PARP11: variants seen among roughly 807,000 people sequenced by gnomAD.
PARP11 encodes poly(ADP-ribose) polymerase family member 11.
In PARP11, 31 loss-of-function variants were observed where a neutral mutation model predicts 42.9. The ratio of observed to expected loss-of-function variants is 0.72; its 90% CI spans 0.54 to 0.98. The LOEUF (loss-of-function observed/expected upper bound fraction) is 0.98. PARP11 is among the 50% of genes least tolerant of loss of function. The probability of loss-of-function intolerance (pLI) is 0.00; values close to 1 mark genes in which losing one functional copy is unlikely to be tolerated. For synonymous variants in PARP11, 137 were observed against 127.3 expected, an observed-to-expected ratio of 1.08 and a Z score of -0.51; for missense variants, 365 against 413.1, an observed-to-expected ratio of 0.88 and a Z score of 1.01.
Position 3,821,754 on chromosome 12 carries a change from A to C in PARP11, c.548+119T>G, listed in dbSNP as rs138730941. ...TGAAGAGCCTTGAGACCAGGTCAAA[A>C]TACGGCAAGAGAAAAACAGCATGTC... is the stretch of plus-strand genomic sequence containing the variant. On this transcript the variant is annotated intron_variant, in intron 6 of 7. Coordinates refer to ENST00000228820, the MANE Select transcript of PARP11 (RefSeq NM_020367.6). 3.9e-3 allele frequency: 4,245 copies of C among 1,091,978 alleles called. 13 individuals are homozygous for C. The highest frequency in any genetic ancestry group is 5.2e-3 in the Non-Finnish European group (3,948 of 755,058). The allele number at this position is 1,091,978 out of a possible 1,614,324, so 67.6% of individuals were successfully genotyped here.
intron 1 of PARP11, among the ~76,000 whole-genome samples, chr12:3,846,947 C>T (rs980481538): frequency 6.6e-6 from 1 of 151,572 alleles, no homozygotes; most frequent in African/African-American, 2.4e-5. Flanking sequence ...TAGCTGGGCA[C>T]GTGCCTGTGG....
chr12:3,849,935 A>C (rs1401272147), intron 1 of PARP11, among the ~76,000 whole-genome samples: 2 of 152,174 alleles, frequency 1.3e-5, no homozygotes, highest in Non-Finnish European at 2.9e-5. Flanking sequence ...TGTCCTGAAA[A>C]TATGTATATC....
At position 3,840,710 on chromosome 12, in the gene PARP11, C is replaced by T. The variant is rs1246244937; in HGVS notation, c.19-10692G>A. On this transcript the variant is annotated intron_variant, in intron 1 of 7. Transcript: ENST00000228820. This position sits in a 1 kb window ranked among gnomAD's most constrained non-coding sequence, Gnocchi z 4.4. The stretch of plus-strand genomic sequence containing the variant: ...CAGGCGGAGAATGGATACAGAAGAA[C>T]GAAAAGACAAAGACTCTATTCATGG... 1.7e-5 allele frequency: 22 copies of T among 1,276,692 alleles called. No homozygotes were observed. The highest frequency in any genetic ancestry group is 2.4e-5 in the Non-Finnish European group (21 of 872,102). 79.1% of individuals were successfully genotyped at this position (1,276,692 alleles called of 1,614,324 possible).
At chr12:3,846,749 T>G in intron 1 of PARP11, among the ~76,000 whole-genome samples, 1 of 126,594 alleles carries the variant, frequency 7.9e-6, no homozygotes. Flanking sequence ...AGAGCGAGAC[T>G]CCGTCTTAAA....
In PARP11 at chr12:3,810,686, A is replaced by AAG. The variant is rs1565527335; in HGVS notation, c.*1436_*1437insCT. ...AGGAAGGAAGGAAGGAAGGAAGGAA[A>AAG]GAAAGAAGGAAGGAAGAGAGAGAGA... On this transcript the variant is annotated 3_prime_UTR_variant, in exon 8 of 8. Coordinates refer to ENST00000228820, the MANE Select transcript of PARP11 (RefSeq NM_020367.6). The AAG allele has an allele frequency of 1.4e-4, 18 of 126,772 alleles. No homozygotes were observed. The highest frequency in any genetic ancestry group is 5.5e-4 in the African/African-American group (17 of 31,028). The allele number at this position is 126,772 out of a possible 1,614,324, so 7.9% of individuals were successfully genotyped here.
intron 1 of PARP11, among the ~76,000 whole-genome samples, chr12:3,837,965 G>T (rs1346784946): frequency 4.0e-5 from 6 of 151,216 alleles, no homozygotes; most frequent in Admixed American, 4.0e-4. Context: ...AACATTAATA[G>T]ACTTAAAGTG....
At chr12:3,841,516 C>G in intron 1 of PARP11, 1 of 1,570,426 alleles carries the variant, frequency 6.4e-7, no homozygotes, top group Non-Finnish European at 8.8e-7. Flanking sequence ...TCAAATGCTA[C>G]AGCCAGTGAT....
At chr12:3,817,555 A>G (rs1418739394) in intron 6 of PARP11, among the ~76,000 whole-genome samples, 2 of 152,226 alleles carry the variant, frequency 1.3e-5, no homozygotes, top group Non-Finnish European at 2.9e-5. Context: ...AACTTTAGTT[A>G]CATCTGCAAG....
chr12:3,840,194 G>A lies in PARP11; in HGVS notation c.19-10176C>T. 3 of 1,611,046 alleles carry A rather than the reference G, an allele frequency of 1.9e-6. No individual in the cohort carries two copies. The highest frequency in any genetic ancestry group is 2.5e-6 in the Non-Finnish European group (3 of 1,177,170). On this transcript the variant is annotated intron_variant, in intron 1 of 7. Coordinates refer to ENST00000228820, the MANE Select transcript of PARP11 (RefSeq NM_020367.6). This position sits in a 1 kb window ranked among gnomAD's most constrained non-coding sequence, Gnocchi z 4.4. ...TGTCAAGTTAGGTTGGATCACAATG[G>A]AAAATTTTTGAATGCAGACGTTCAA...
At chr12:3,836,528 G>T (rs1447702362) in intron 1 of PARP11, among the ~76,000 whole-genome samples, 3 of 151,572 alleles carry the variant, frequency 2.0e-5, no homozygotes, top group African/African-American at 7.3e-5. Context: ...AATCCATGGG[G>T]GATAAAAAAG....
At chr12:3,859,407 C>A (rs1017877494) in intron 1 of PARP11, among the ~76,000 whole-genome samples, 16 of 150,820 alleles carry the variant, frequency 1.1e-4, no homozygotes, top group Non-Finnish European at 2.4e-4. Context: ...TACTAAAATA[C>A]AAAAAATTAG....
intron 1 of PARP11, among the ~76,000 whole-genome samples, chr12:3,832,924 G>A (rs760354444): frequency 6.6e-6 from 1 of 152,154 alleles, no homozygotes; most frequent in Non-Finnish European, 1.5e-5. Context: ...TGGGTATGCT[G>A]GTAGAGCCTG....
chr12:3,823,467 T>C (rs1191395074), intron 4 of PARP11, among the ~76,000 whole-genome samples: 1 of 152,202 alleles, frequency 6.6e-6, no homozygotes, highest in Admixed American at 6.5e-5. Context: ...AGAGCATCAT[T>C]ATTCCTAGTG....
intron 4 of PARP11, among the ~76,000 whole-genome samples, chr12:3,824,204 T>G (rs1173034713): frequency 6.6e-6 from 1 of 152,252 alleles, no homozygotes; most frequent in Non-Finnish European, 1.5e-5. Flanking sequence ...GGTATTAATT[T>G]GTTTTTCTCC....
In PARP11 at chr12:3,809,772, G is replaced by C. The variant is rs1471601714; in HGVS notation, c.*2351C>G. ...ACATTGTTTTTTGTGAACGGGTTTA[G>C]AGCCATGGTATGCTGCCTCTCACAA... On this transcript the variant is annotated 3_prime_UTR_variant, in exon 8 of 8. Coordinates refer to ENST00000228820, the MANE Select transcript of PARP11 (RefSeq NM_020367.6). 3.3e-5 allele frequency: 5 copies of C among 152,180 alleles called. No homozygotes were observed. The highest frequency in any genetic ancestry group is 2.0e-4 in the Admixed American group (3 of 15,280). 9.4% of individuals were successfully genotyped at this position (152,180 alleles called of 1,614,324 possible). A position where few individuals can be genotyped will look rare whatever the true frequency, so the allele number is the denominator to read the frequency against.
chr12:3,842,115 C>T (rs1189277516), intron 1 of PARP11: 2 of 1,610,614 alleles, frequency 1.2e-6, no homozygotes, highest in Non-Finnish European at 1.7e-6. Flanking sequence ...TGAACTTGAA[C>T]CTAAAAGGAC....
chr12:3,873,190 C>T, intron 1 of PARP11, 22 bp downstream of exon 1: 3 of 1,540,948 alleles, frequency 1.9e-6, no homozygotes, highest in Non-Finnish European at 2.6e-6. Context: ...CTGGGCCCGC[C>T]CCGTCCCGCC....
At chr12:3,839,314 G>T (rs1182415423) in intron 1 of PARP11, 3 of 1,523,482 alleles carry the variant, frequency 2.0e-6, no homozygotes. Flanking sequence ...GGAGGCGGCC[G>T]TCGGCGTCCC....
At chr12:3,823,125 AAATT>A (rs1947436527) in intron 4 of PARP11, among the ~76,000 whole-genome samples, 1 of 152,242 alleles carries the variant, frequency 6.6e-6, no homozygotes, top group Non-Finnish European at 1.5e-5. Context: ...GTTACTAAAT[AAATT>A]AATAAATTTC....
Sources: gnomAD v4.1 joint callset for allele counts (sites outside exome capture counted in the v4.1 genomes callset) on GRCh38, gnomAD v4.1.1 for gene constraint, Gnocchi (gnomAD v3.1) non-coding constraint, MANE v1.5 for transcripts, NCBI Gene and HGNC (gene_info 2026-07-23, HGNC 2026-07-21) for gene names.